Variants in SASH1 observed in about 807,000 individuals in gnomAD.
SASH1 encodes the protein SAM and SH3 domain-containing protein 1.
SASH1 carries 44 observed loss-of-function variants against 125.2 expected under a neutral mutation model. That is an observed-to-expected ratio of 0.35 (90% CI 0.28 to 0.45). The LOEUF (loss-of-function observed/expected upper bound fraction) is 0.45, where lower values mean the gene tolerates loss of function less well. SASH1 is among the 20% of genes least tolerant of loss of function. The pLI is 1.00. For synonymous variants in SASH1, 639 were observed against 649.1 expected, an observed-to-expected ratio of 0.98 and a Z score of 0.24; for missense variants, 1,426 against 1,614.5, an observed-to-expected ratio of 0.88 and a Z score of 2.00.
At chr6:148,270,797 A>T (rs1392091907), upstream of SASH1, among the ~76,000 whole-genome samples, 1 of 152,166 alleles carries the variant, frequency 6.6e-6, no homozygotes, top group Non-Finnish European at 1.5e-5. Context: ...GCCACTTTAC[A>T]AATAAGGAAA....
intron 2 of SASH1, among the ~76,000 whole-genome samples, chr6:148,421,737 T>C (rs1292587516): frequency 1.3e-5 from 2 of 152,252 alleles, no homozygotes; most frequent in African/African-American, 4.8e-5. Context: ...CCTGTTCTTA[T>C]CTTATACTTC....
chr6:148,505,923 A>G (rs1432848993), intron 8 of SASH1, among the ~76,000 whole-genome samples: 2 of 151,820 alleles, frequency 1.3e-5, no homozygotes, highest in Admixed American at 6.5e-5. Context: ...GGTGTGAGCC[A>G]CCGCGCCCAG....
Position 148,534,783 on chromosome 6 carries a change from T to C in SASH1, c.1977T>C (p.Tyr659=), listed in dbSNP as rs117899090. The C allele has an allele frequency of 4.2e-4, 671 of 1,614,204 alleles. 7 individuals are homozygous for C. The East Asian group carries it at 0.014, about 33-fold the overall frequency. Residue 659 remains tyrosine, a synonymous_variant, in exon 16 of 20, where the codon TAT becomes TAC. Coordinates refer to ENST00000367467, the MANE Select transcript of SASH1 (RefSeq NM_015278.5). Reference sequence around the variant, plus strand: ...TGCCCACTTTCCTGTTCAATGGATATGAAGATTTGGACACCTTTAAGCTGC... The same window carrying C: ...TGCCCACTTTCCTGTTCAATGGATACGAAGATTTGGACACCTTTAAGCTGC... The part of the protein sequence containing the change: ...EHMPTFLFNG[Y]EDLDTFKLLE...
chr6:148,531,670 A>C lies in SASH1; in HGVS notation c.1564+9A>C, dbSNP rs752361355. ...TGGGCAGAGCTCCATGAGTAAGTCG[A>C]GTTTGTCATTGTAGATTATTTTCTT... On this transcript the variant is annotated intron_variant, in intron 13 of 19. Coordinates refer to ENST00000367467, the MANE Select transcript of SASH1 (RefSeq NM_015278.5). The C allele has an allele frequency of 6.6e-7, 1 of 1,505,102 alleles. No homozygotes were observed. Among genetic ancestry groups the C allele is most frequent in the South Asian group, 1.4e-5 (1 of 73,590 alleles). 93.2% of individuals were successfully genotyped at this position (1,505,102 alleles called of 1,614,324 possible). A position where few individuals can be genotyped will look rare whatever the true frequency, so the allele number is the denominator to read the frequency against.
At position 148,525,183 on chromosome 6, in the gene SASH1, C is replaced by T. The variant is rs144926634; in HGVS notation, c.1210-108C>T. On this transcript the variant is annotated intron_variant, in intron 10 of 19. Transcript: ENST00000367467. ...TCGTTTTCTACTTTCATCCTGTCCACGTATTTGTGATTCAGAGATGTCCTG... is the reference window on the plus strand; with the variant it reads ...TCGTTTTCTACTTTCATCCTGTCCATGTATTTGTGATTCAGAGATGTCCTG... The T allele has an allele frequency of 3.3e-5, 25 of 766,508 alleles. No homozygotes were observed. The East Asian group carries it at 5.6e-4, about 17-fold the overall frequency. The allele number at this position is 766,508 out of a possible 1,614,324, so 47.5% of individuals were successfully genotyped here.
intron 1 of SASH1, among the ~76,000 whole-genome samples, chr6:148,334,062 T>G (rs1582978240): frequency 6.7e-6 from 1 of 150,286 alleles, no homozygotes; most frequent in South Asian, 2.1e-4. Context: ...GACCTCGTGA[T>G]CCGCCTGCCT....
intron 2 of SASH1, among the ~76,000 whole-genome samples, chr6:148,414,081 C>G (rs1381406317): frequency 6.6e-6 from 1 of 151,950 alleles, no homozygotes; most frequent in Non-Finnish European, 1.5e-5. Context: ...GCAAGTTGTC[C>G]TATAAAATTT....
Position 148,533,785 on chromosome 6 carries a change from C to A in SASH1, c.1749C>A (p.Ile583=), listed in dbSNP as rs140109825. Residue 583 remains isoleucine, a synonymous_variant, in exon 15 of 20, where the codon ATC becomes ATA. Transcript: ENST00000367467. The surrounding 1 kb of genome is among the most constrained non-coding windows in gnomAD (Gnocchi z 6.2). Reference sequence around the variant, plus strand: ...CTGGGCCACAGAAAGGAGATATCATCGATATAATCAGCAAGCCACCCATGG... The same window carrying A: ...CTGGGCCACAGAAAGGAGATATCATAGATATAATCAGCAAGCCACCCATGG... ...DSLKLKKGDI[I]DIISKPPMGT... 3.1e-6 allele frequency: 5 copies of A among 1,613,084 alleles called. No homozygotes were observed. Among genetic ancestry groups the A allele is most frequent in the Non-Finnish European group, 4.2e-6 (5 of 1,179,712 alleles).
intron 4 of SASH1, among the ~76,000 whole-genome samples, chr6:148,445,359 C>T (rs1776727332): frequency 6.6e-6 from 1 of 152,190 alleles, no homozygotes; most frequent in Non-Finnish European, 1.5e-5. Context: ...TGCTTTATTG[C>T]TCAATCTCGG....
chr6:148,463,627 G>A (rs903651613), intron 4 of SASH1, among the ~76,000 whole-genome samples: 7 of 152,028 alleles, frequency 4.6e-5, no homozygotes, highest in African/African-American at 1.5e-4. Flanking sequence ...GTTTCTCTTC[G>A]TAGTGTTCAG....
the SASH1 span, among the ~76,000 whole-genome samples, chr6:148,203,888 A>G: frequency 1.3e-5 from 2 of 152,202 alleles, no homozygotes; most frequent in Non-Finnish European, 2.9e-5. Flanking sequence ...CCAGTAGAGA[A>G]ACTCTATCGT....
intron 1 of SASH1, among the ~76,000 whole-genome samples, chr6:148,325,261 T>TGTTGTTGTTGTTGTTG (rs1554235038): frequency 2.0e-5 from 3 of 149,994 alleles, no homozygotes; most frequent in African/African-American, 7.4e-5. Context: ...AAAAGCCTCT[T>TGTTGTTGTTGTTGTTG]TTGTTGTTGT....
At chr6:148,227,072 A>C in the SASH1 span, among the ~76,000 whole-genome samples, 2 of 152,172 alleles carry the variant, frequency 1.3e-5, no homozygotes, top group African/African-American at 2.4e-5. Context: ...TTATTAGCCT[A>C]AGTATAGCTC....
intron 1 of SASH1, among the ~76,000 whole-genome samples, chr6:148,284,452 GT>G (rs934125721): frequency 6.6e-6 from 1 of 151,968 alleles, no homozygotes; most frequent in African/African-American, 2.4e-5. Flanking sequence ...AAAAAATAAA[GT>G]AATACATTTT....
Position 148,533,373 on chromosome 6 carries a change from G to T in SASH1, c.1735-398G>T, listed in dbSNP as rs1443160145. On this transcript the variant is annotated intron_variant, in intron 14 of 19. Coordinates refer to ENST00000367467, the MANE Select transcript of SASH1 (RefSeq NM_015278.5). The surrounding 1 kb of genome is among the most constrained non-coding windows in gnomAD (Gnocchi z 6.2). ...GGTTCCACAAAGTGTGTGCAGCCAT[G>T]ACAGGGCCGGGATTGCCACTGGTTA... 1.3e-5 allele frequency among the ~76,000 whole-genome samples: 2 copies of T among 152,212 alleles called. No homozygotes were observed. Among genetic ancestry groups the T allele is most frequent in the African/African-American group, 4.8e-5 (2 of 41,454 alleles).
At chr6:148,370,302 A>G (rs1259006354) in intron 1 of SASH1, among the ~76,000 whole-genome samples, 1 of 152,192 alleles carries the variant, frequency 6.6e-6, no homozygotes, top group Non-Finnish European at 1.5e-5. Flanking sequence ...AGATTTAAAG[A>G]TGGTTGGCAA....
At chr6:148,440,605 G>T in intron 4 of SASH1, 198 bp downstream of exon 4, 1 of 576,674 alleles carries the variant, frequency 1.7e-6, no homozygotes, top group Non-Finnish European at 3.1e-6. Flanking sequence ...TGATGTCTGA[G>T]GATTTTGTGA....
At chr6:148,242,927 A>G in the SASH1 span, among the ~76,000 whole-genome samples, 2 of 150,298 alleles carry the variant, frequency 1.3e-5, no homozygotes, top group Admixed American at 6.7e-5. Context: ...TCAATATGTG[A>G]TTTTTTTTTT....
chr6:148,438,864 A>G (rs529093958), intron 2 of SASH1, among the ~76,000 whole-genome samples: 1 of 152,238 alleles, frequency 6.6e-6, no homozygotes, highest in East Asian at 1.9e-4. Context: ...AGATTCCCAG[A>G]ACACTCCCCC....
Sources: gnomAD v4.1 joint callset for allele counts (sites outside exome capture counted in the v4.1 genomes callset) on GRCh38, gnomAD v4.1.1 for gene constraint, Gnocchi (gnomAD v3.1) non-coding constraint, MANE v1.5 for transcripts, NCBI Gene and HGNC (gene_info 2026-07-23, HGNC 2026-07-21) for gene names.